TXN: variants seen among roughly 807,000 people sequenced by gnomAD.
The protein encoded by TXN is thioredoxin.
TXN carries 10 observed loss-of-function variants against 16.5 expected under a neutral mutation model. The observed-to-expected ratio is 0.61, with a 90% CI of 0.37 to 1.03. The LOEUF is 1.03. Ranked by LOEUF, TXN falls within the 50% of genes least tolerant of loss-of-function variation. TXN has a pLI of 0.01. For missense variants in TXN, 71 were observed against 122.5 expected (o/e 0.58, Z 1.98); for synonymous variants, 35 against 39.4 (o/e 0.89, Z 0.42).
chr9:110,251,942 T>G (rs1439949568), intron 1 of TXN, among the ~76,000 whole-genome samples: 1 of 151,982 alleles, frequency 6.6e-6, no homozygotes, highest in East Asian at 1.9e-4. Context: ...AAGATAAAAG[T>G]TGGCTGGGCA....
At chr9:110,249,768 T>C (rs1837704225) in intron 3 of TXN, among the ~76,000 whole-genome samples, 1 of 152,208 alleles carries the variant, frequency 6.6e-6, no homozygotes, top group African/African-American at 2.4e-5. Context: ...TCACCCTTTA[T>C]TGGATATTCC....
chr9:110,253,036 A>C (rs968501080), intron 1 of TXN, among the ~76,000 whole-genome samples: 5 of 152,170 alleles, frequency 3.3e-5, no homozygotes, highest in African/African-American at 9.7e-5. Context: ...CAAGGAAACA[A>C]TGCTGGTCAA....
intron 3 of TXN, among the ~76,000 whole-genome samples, chr9:110,248,456 G>T (rs1837684813): frequency 6.6e-6 from 1 of 152,136 alleles, no homozygotes; most frequent in African/African-American, 2.4e-5. Flanking sequence ...ACAGTAACAT[G>T]CCTTACCTGT....
rs191650056 is a variant in TXN, at chr9:110,255,880, G to A, written c.24+532C>T. Among the ~76,000 whole-genome samples the A allele has an allele frequency of 5.6e-3, 852 of 152,328 alleles. 10 individuals are homozygous for A. The highest frequency in any genetic ancestry group is 0.019 in the African/African-American group (800 of 41,578). The stretch of plus-strand genomic sequence containing the variant: ...GAGATCACTACCCCCGCTGCGGGTG[G>A]ATCACTTCACATACGGAAAGGCAGC... On this transcript the variant is annotated intron_variant, in intron 1 of 4. Transcript: ENST00000374517.
rs1200439602 is a variant in TXN, at chr9:110,250,896, G to A, written c.130-17C>T. ...AGAGAGGGACTGGAAAATTTAAAATGAAAAATCCAAAAAGATTTAGAACTA... is the reference window on the plus strand; with the variant it reads ...AGAGAGGGACTGGAAAATTTAAAATAAAAAATCCAAAAAGATTTAGAACTA... On this transcript the variant is annotated splice_polypyrimidine_tract_variant and intron_variant, in intron 2 of 4. Transcript: ENST00000374517. 6.3e-7 allele frequency: 1 copy of A among 1,595,044 alleles called. No individual in the cohort carries two copies. The highest frequency in any genetic ancestry group is 1.3e-5 in the African/African-American group (1 of 74,196).
chr9:110,244,319 A>T (rs1236153655), intron 4 of TXN, 100 bp from the exon 5 acceptor site: 1 of 325,078 alleles, frequency 3.1e-6, no homozygotes, highest in Non-Finnish European at 5.4e-6. Flanking sequence ...ACATATACAT[A>T]TGTATATATA....
intron 1 of TXN, among the ~76,000 whole-genome samples, chr9:110,253,315 C>T (rs1456442944): frequency 6.6e-6 from 1 of 151,996 alleles, no homozygotes; most frequent in African/African-American, 2.4e-5. Context: ...TATGCAAATC[C>T]CTGAACCCCA....
chr9:110,253,664 C>T (rs1837769144), intron 1 of TXN, among the ~76,000 whole-genome samples: 1 of 151,644 alleles, frequency 6.6e-6, no homozygotes, highest in Non-Finnish European at 1.5e-5. Context: ...GCACAAGTAC[C>T]TAAAATTCTG....
chr9:110,252,406 C>T (rs1439248957), intron 1 of TXN, among the ~76,000 whole-genome samples: 21 of 152,052 alleles, frequency 1.4e-4, no homozygotes, highest in Admixed American at 1.4e-3. Flanking sequence ...CACACGTTTA[C>T]CAACCTTTGA....
intron 1 of TXN, among the ~76,000 whole-genome samples, chr9:110,253,327 C>T (rs1232431051): frequency 2.6e-5 from 4 of 152,100 alleles, no homozygotes. Flanking sequence ...TGAACCCCAC[C>T]TCTAGAGGTG....
chr9:110,249,221 C>A (rs1472145176), intron 3 of TXN, among the ~76,000 whole-genome samples: 1 of 148,608 alleles, frequency 6.7e-6, no homozygotes, highest in Non-Finnish European at 1.5e-5. Context: ...GTGCAATTTT[C>A]CCCTAGCTAA....
At chr9:110,244,316 C>CATATGTATATATATACATATGTATAA (rs1564366852) in intron 4 of TXN, 97 bp from the exon 5 acceptor site, 31 of 338,510 alleles carry the variant, frequency 9.2e-5, no homozygotes, top group Non-Finnish European at 1.3e-4. Context: ...TATACATATA[C>CATATGTATATATATACATATGTATAA]ATATGTATAT....
In TXN at chr9:110,256,352, TC is replaced by T; in HGVS notation, c.24+59del. On this transcript the variant is annotated intron_variant, in intron 1 of 4. Coordinates refer to ENST00000374517, the MANE Select transcript of TXN (RefSeq NM_003329.4). The surrounding 1 kb of genome is among the most constrained non-coding windows in gnomAD (Gnocchi z 4.2). ...CCTTCCCCACCTCCCGCCACCGCCT[TC>T]CCCAGTTACAGAGGCCGCGCGCGGC... is the stretch of plus-strand genomic sequence containing the variant. 1 of 1,566,000 alleles carries T rather than the reference TC, an allele frequency of 6.4e-7. No homozygotes were observed. Among genetic ancestry groups the T allele is most frequent in the Admixed American group, 1.8e-5 (1 of 54,958 alleles).
chr9:110,252,022 G>A (rs978704050), intron 1 of TXN, among the ~76,000 whole-genome samples: 15 of 151,906 alleles, frequency 9.9e-5, no homozygotes, highest in African/African-American at 2.2e-4. Context: ...TCAGGAGTTC[G>A]AGACCAGCCT....
intron 4 of TXN, 113 bp from the exon 5 acceptor site, chr9:110,244,332 C>CATAT (rs1393785016): frequency 6.9e-6 from 2 of 288,984 alleles, no homozygotes; most frequent in Non-Finnish European, 1.3e-5. Flanking sequence ...TATATATATA[C>CATAT]ATATGTATAA....
At chr9:110,254,046 T>G (rs1837774382) in intron 1 of TXN, among the ~76,000 whole-genome samples, 1 of 152,102 alleles carries the variant, frequency 6.6e-6, no homozygotes, top group Non-Finnish European at 1.5e-5. Context: ...TAGGTGTCAT[T>G]TTTTTTAAAA....
At chr9:110,249,923 TC>T (rs1429832721) in intron 3 of TXN, among the ~76,000 whole-genome samples, 2 of 152,108 alleles carry the variant, frequency 1.3e-5, no homozygotes, top group African/African-American at 4.8e-5. Flanking sequence ...ACTGCACCCT[TC>T]CCCCATCGCC....
At chr9:110,249,427 G>A (rs916285834) in intron 3 of TXN, among the ~76,000 whole-genome samples, 4 of 152,098 alleles carry the variant, frequency 2.6e-5, no homozygotes, top group Non-Finnish European at 5.9e-5. Context: ...AGGTGAAGGG[G>A]CAACCAACGT....
chr9:110,252,669 G>A (rs901382998), intron 1 of TXN, among the ~76,000 whole-genome samples: 4 of 152,010 alleles, frequency 2.6e-5, no homozygotes, highest in African/African-American at 9.7e-5. Flanking sequence ...TTTTTGAGAC[G>A]GAGTTTCACT....
Sources: allele counts gnomAD v4.1 joint callset (sites outside exome capture counted in the v4.1 genomes callset), GRCh38; gene constraint gnomAD v4.1.1; non-coding constraint Gnocchi (gnomAD v3.1); transcripts MANE v1.5; gene names NCBI Gene and HGNC (gene_info 2026-07-23, HGNC 2026-07-21).